ABL1: variants seen among roughly 807,000 people sequenced by gnomAD.
ABL1 encodes the protein ABL proto-oncogene 1, non-receptor tyrosine kinase.
A neutral mutation model predicts 94.7 loss-of-function variants in ABL1; 11 were observed. The observed-to-expected ratio is 0.12, with a 90% CI of 0.07 to 0.19. ABL1 has a LOEUF of 0.19. Among genes scored for constraint, ABL1 ranks in the 10% least tolerant of loss-of-function variants. The pLI is 1.00. For missense variants in ABL1, 1,082 were observed against 1,489.4 expected (o/e 0.73, Z 4.50); for synonymous variants, 656 against 622.4 (o/e 1.05, Z -0.80).
chr9:130,862,225 T>C lies in ABL1; in HGVS notation c.550-538T>C, dbSNP rs924544914. 7.2e-5 allele frequency among the ~76,000 whole-genome samples: 11 copies of C among 152,262 alleles called. No individual in the cohort carries two copies. Among genetic ancestry groups the C allele is most frequent in the South Asian group, 2.1e-4 (1 of 4,836 alleles). On this transcript the variant is annotated intron_variant, in intron 3 of 10. Coordinates refer to ENST00000318560, the MANE Select transcript of ABL1 (RefSeq NM_005157.6). The surrounding 1 kb of genome is among the most constrained non-coding windows in gnomAD (Gnocchi z 5.5). Reference sequence around the variant, plus strand: ...TCAACAGTTATTTATTGAGTACTTATTACATGTTGATTTCCTGTTCTCAAC... The same window carrying C: ...TCAACAGTTATTTATTGAGTACTTACTACATGTTGATTTCCTGTTCTCAAC...
intron 3 of ABL1, among the ~76,000 whole-genome samples, chr9:130,860,014 A>G (rs1159850812): frequency 6.6e-6 from 1 of 152,132 alleles, no homozygotes; most frequent in African/African-American, 2.4e-5. Context: ...GACAAGTCCC[A>G]TCCTTCAGGT....
chr9:130,870,467 A>G (rs1831233689), intron 4 of ABL1, among the ~76,000 whole-genome samples: 2 of 152,344 alleles, frequency 1.3e-5, no homozygotes, highest in Admixed American at 6.5e-5. Context: ...CTTTTTAACC[A>G]TATTGTTGAT....
intron 1 of ABL1, among the ~76,000 whole-genome samples, chr9:130,753,598 G>A (rs1353014181): frequency 6.6e-6 from 1 of 150,618 alleles, no homozygotes; most frequent in Non-Finnish European, 1.5e-5. Context: ...GCCAATTTTT[G>A]TATTTTTAGT....
intron 3 of ABL1, among the ~76,000 whole-genome samples, chr9:130,857,849 A>T (rs1831000236): frequency 6.6e-6 from 1 of 152,048 alleles, no homozygotes; most frequent in South Asian, 2.1e-4. Context: ...GTGTGACTAG[A>T]CGTGGGCCTG....
intron 1 of ABL1, among the ~76,000 whole-genome samples, chr9:130,741,674 C>G (rs971028550): frequency 6.6e-6 from 1 of 151,902 alleles, no homozygotes; most frequent in Non-Finnish European, 1.5e-5. Flanking sequence ...GTAACAGTTA[C>G]CACACTGGTA....
chr9:130,848,758 G>A (rs1244638037), intron 1 of ABL1, among the ~76,000 whole-genome samples: 1 of 151,916 alleles, frequency 6.6e-6, no homozygotes, highest in African/African-American at 2.4e-5. Flanking sequence ...CCAACATGGT[G>A]AAACCCCATC....
chr9:130,844,277 G>T (rs978890762), intron 1 of ABL1, among the ~76,000 whole-genome samples: 31 of 152,276 alleles, frequency 2.0e-4, no homozygotes, highest in African/African-American at 7.5e-4. Flanking sequence ...AGCATGGAAA[G>T]GACAGAAGTG....
At chr9:130,838,201 G>A (rs1830617544) in intron 1 of ABL1, among the ~76,000 whole-genome samples, 1 of 152,196 alleles carries the variant, frequency 6.6e-6, no homozygotes, top group Non-Finnish European at 1.5e-5. Context: ...GCCAGTGAGT[G>A]GGGGTACTGG....
intron 3 of ABL1, 103 bp downstream of exon 3, chr9:130,855,199 A>G (rs1830954426): frequency 7.5e-7 from 1 of 1,331,926 alleles, no homozygotes. Context: ...AACCAAGAAG[A>G]TGTTTAAAGA....
At position 130,880,581 on chromosome 9, in the gene ABL1, C is replaced by T. The variant is rs752060211; in HGVS notation, c.1595C>T (p.Thr532Met). 6 of 1,613,812 alleles carry T rather than the reference C, an allele frequency of 3.7e-6. No homozygotes were observed. The South Asian group carries it at 4.4e-5, about 12-fold the overall frequency. The change falls in exon 10 of 11, where the codon ACG becomes ATG. Residue 532 changes from threonine to methionine, a missense_variant. Thr to Met is a moderately conservative substitution (Grantham distance 81). Around this residue, in one of 7 missense-constraint regions of ABL1, gnomAD observed 780 missense variants for 835.8 expected, o/e 0.93. Coordinates refer to ENST00000318560, the MANE Select transcript of ABL1 (RefSeq NM_005157.6). The surrounding 1 kb of genome is among the most constrained non-coding windows in gnomAD (Gnocchi z 4.4). ...CAGGCCCCAGAGCTGCCCACCAAGA[C>T]GAGGACCTCCAGGAGAGCTGCAGAG... ...LLQAPELPTKTRTSRRAAEHR... is the reference protein window; with the variant it reads ...LLQAPELPTKMRTSRRAAEHR...
In ABL1 at chr9:130,743,009, A is replaced by G. The variant is rs146982717; in HGVS notation, c.136+28554A>G. Reference sequence around the variant, plus strand: ...TGAGCAATGGGACTGAATTTGCTTCACCGTTTTTTTAAAATCTTGATTTAA... The same window carrying G: ...TGAGCAATGGGACTGAATTTGCTTCGCCGTTTTTTTAAAATCTTGATTTAA... On this transcript the variant is annotated intron_variant, in intron 1 of 10. Transcript: ENST00000372348. 8.1e-3 allele frequency among the ~76,000 whole-genome samples: 1,227 copies of G among 152,244 alleles called. 15 individuals are homozygous for G. Among genetic ancestry groups the G allele is most frequent in the African/African-American group, 0.028 (1,143 of 41,546 alleles).
chr9:130,754,584 C>A (rs959549349), intron 1 of ABL1, among the ~76,000 whole-genome samples: 2 of 149,776 alleles, frequency 1.3e-5, no homozygotes, highest in African/African-American at 4.9e-5. Context: ...TTGGAAGGCA[C>A]AATTAGGAGC....
chr9:130,770,799 T>C (rs1341658972), intron 1 of ABL1, among the ~76,000 whole-genome samples: 2 of 152,140 alleles, frequency 1.3e-5, no homozygotes, highest in African/African-American at 4.8e-5. Flanking sequence ...TGTGGGACAA[T>C]ATAAATAGGC....
rs776177828 is a variant in ABL1, at chr9:130,884,387, C to T, written c.2097C>T (p.Ala699=). The change falls in exon 11 of 11, where the codon GCC becomes GCT. Residue 699 remains alanine (A), a synonymous_variant. Coordinates refer to ENST00000318560, the MANE Select transcript of ABL1 (RefSeq NM_005157.6). The surrounding 1 kb of genome is among the most constrained non-coding windows in gnomAD (Gnocchi z 5.6). ...GCACGCTGACCAGCAGCCGCCTAGC[C>T]ACCGGCGAGGAGGAGGGCGGTGGCA... ...KSSTLTSSRL[A]TGEEEGGGSS... 7.6e-5 allele frequency: 123 copies of T among 1,611,908 alleles called. 1 individual carries two copies. Among genetic ancestry groups the T allele is most frequent in the Non-Finnish European group, 9.7e-5 (115 of 1,179,856 alleles).
chr9:130,826,533 A>T (rs1830427976), intron 1 of ABL1, among the ~76,000 whole-genome samples: 1 of 152,242 alleles, frequency 6.6e-6, no homozygotes, highest in Non-Finnish European at 1.5e-5. Flanking sequence ...AGCAGAATCA[A>T]GGATGCCAAA....
rs1307111961 is a variant in ABL1 at position 130,884,023 on chromosome 9, G to A, written c.1733G>A (p.Gly578Asp). ...VSPLLPRKER[G>D]PPEGGLNEDE... is the part of the protein sequence containing the mutation. ...CCATTGCTCCCTCGAAAAGAGCGAG[G>A]TCCCCCGGAGGGCGGCCTGAATGAA... is the stretch of plus-strand genomic sequence containing the variant. The change falls in exon 11 of 11, where the codon GGT becomes GAT. Residue 578 changes from glycine to aspartate, a missense_variant. Gly to Asp is a moderately conservative substitution (Grantham distance 94). Around this residue, in one of 7 missense-constraint regions of ABL1, gnomAD observed 780 missense variants for 835.8 expected, o/e 0.93. Coordinates refer to ENST00000318560, the MANE Select transcript of ABL1 (RefSeq NM_005157.6). The surrounding 1 kb of genome is among the most constrained non-coding windows in gnomAD (Gnocchi z 5.6). 1 of 1,613,886 alleles carries A rather than the reference G, an allele frequency of 6.2e-7. No homozygotes were observed. Among genetic ancestry groups the A allele is most frequent in the Non-Finnish European group, 8.5e-7 (1 of 1,180,038 alleles).
chr9:130,869,210 A>C (rs1487379991), intron 4 of ABL1, among the ~76,000 whole-genome samples: 1 of 152,150 alleles, frequency 6.6e-6, no homozygotes, highest in African/African-American at 2.4e-5. Context: ...GTCTGGGAGA[A>C]TGTATCTGTG....
intron 1 of ABL1, among the ~76,000 whole-genome samples, chr9:130,743,682 T>A (rs1360473323): frequency 6.6e-6 from 1 of 152,196 alleles, no homozygotes; most frequent in Non-Finnish European, 1.5e-5. Context: ...CCAGGGAGTT[T>A]CCCAAGTGGG....
At chr9:130,714,607 G>C (rs1269488019) in intron 1 of ABL1, 2 of 1,068,614 alleles carry the variant, frequency 1.9e-6, no homozygotes, top group African/African-American at 3.1e-5. Context: ...AACTTTCTTT[G>C]TATAAGAAAA....
Sources: allele counts gnomAD v4.1 joint callset (sites outside exome capture counted in the v4.1 genomes callset), GRCh38; gene constraint gnomAD v4.1.1; regional missense constraint gnomAD v4.1.1; non-coding constraint Gnocchi (gnomAD v3.1); transcripts MANE v1.5; gene names NCBI Gene and HGNC (gene_info 2026-07-23, HGNC 2026-07-21).